VPS13C: variants seen among roughly 807,000 people sequenced by gnomAD.
VPS13C encodes the protein vacuolar protein sorting 13 homolog C.
Under a neutral mutation model 456.8 loss-of-function variants are expected in VPS13C, and 358 were observed. The observed-to-expected ratio is 0.78, with a 90% CI of 0.72 to 0.86. The LOEUF is 0.86. Among genes scored for constraint, VPS13C ranks in the 40% least tolerant of loss-of-function variants. The pLI is 0.00. For missense variants in VPS13C, 4,818 were observed against 4,385.4 expected (o/e 1.10, Z -2.79); for synonymous variants, 1,578 against 1,486.7 (o/e 1.06, Z -1.41).
At chr15:61,896,182 G>C (rs1302897812) in intron 66 of VPS13C, among the ~76,000 whole-genome samples, 1 of 152,122 alleles carries the variant, frequency 6.6e-6, no homozygotes, top group African/African-American at 2.4e-5. Flanking sequence ...GAAAAGCCAA[G>C]GACCTGATGG....
intron 23 of VPS13C, 150 bp from the exon 24 acceptor site, chr15:61,977,349 T>A (rs2045734962): frequency 1.9e-6 from 1 of 515,502 alleles, no homozygotes; most frequent in Non-Finnish European, 3.3e-6. Context: ...GATTACCAAT[T>A]TTCACTTCTT....
intron 42 of VPS13C, 27 bp from the exon 43 acceptor site, chr15:61,947,336 G>T: frequency 6.6e-7 from 1 of 1,504,898 alleles, no homozygotes; most frequent in South Asian, 1.2e-5. Context: ...ACCTTCTGAT[G>T]AGCAAAGGGA....
chr15:61,958,388 G>A (rs1220959884), intron 37 of VPS13C, among the ~76,000 whole-genome samples: 3 of 151,848 alleles, frequency 2.0e-5, no homozygotes, highest in Admixed American at 6.6e-5. Flanking sequence ...CTCAACTCAC[G>A]CAACTTAGAA....
At chr15:61,988,513 T>C (rs1054262822) in intron 18 of VPS13C, among the ~76,000 whole-genome samples, 6 of 152,288 alleles carry the variant, frequency 3.9e-5, no homozygotes, top group South Asian at 2.1e-4. Flanking sequence ...TATAAAGACA[T>C]AAATTCTCCC....
intron 78 of VPS13C, among the ~76,000 whole-genome samples, chr15:61,872,773 T>C (rs111822007): frequency 3.9e-5 from 6 of 152,146 alleles, no homozygotes; most frequent in Admixed American, 1.3e-4. Flanking sequence ...AACTTTTAAG[T>C]TCTTATAATT....
At chr15:61,899,365 A>C (rs1384856164) in intron 66 of VPS13C, among the ~76,000 whole-genome samples, 1 of 148,484 alleles carries the variant, frequency 6.7e-6, no homozygotes, top group Non-Finnish European at 1.5e-5. Context: ...AGCAAGACTA[A>C]TAAAGAAAAA....
intron 15 of VPS13C, among the ~76,000 whole-genome samples, chr15:62,004,301 T>C (rs201431795): frequency 0.029 from 4,345 of 151,994 alleles, 133 homozygotes; most frequent in South Asian, 0.069. Context: ...TTCTAGTTTA[T>C]TTGCATAGAG....
chr15:61,946,767 C>T (rs886343376), intron 43 of VPS13C, among the ~76,000 whole-genome samples: 1 of 151,850 alleles, frequency 6.6e-6, no homozygotes, highest in African/African-American at 2.4e-5. Flanking sequence ...TTTAGGAAGA[C>T]AATATTTGTT....
chr15:61,865,116 G>C (rs1224548484), intron 81 of VPS13C: 1 of 984,778 alleles, frequency 1.0e-6, no homozygotes, highest in East Asian at 1.1e-4. Context: ...GCAGCAGGGA[G>C]ACCAAATTAG....
intron 63 of VPS13C, 72 bp downstream of exon 63, chr15:61,911,768 T>C: frequency 6.6e-6 from 9 of 1,360,926 alleles, no homozygotes; most frequent in South Asian, 3.7e-5. Flanking sequence ...AAGAGGTATA[T>C]ACAATTCTTA....
At chr15:61,983,510 G>A (rs2045947299) in intron 20 of VPS13C, among the ~76,000 whole-genome samples, 1 of 152,108 alleles carries the variant, frequency 6.6e-6, no homozygotes, top group Admixed American at 6.5e-5. Context: ...AAGAACTGGA[G>A]TAGGAAGTAA....
Position 61,966,108 on chromosome 15 carries a change from A to G in VPS13C, c.3026T>C (p.Phe1009Ser), listed in dbSNP as rs779146313. 1.2e-6 allele frequency: 2 copies of G among 1,606,036 alleles called. No individual in the cohort carries two copies. The highest frequency in any genetic ancestry group is 2.7e-5 in the African/African-American group (2 of 74,628). ...DKNGPSFQTA[F>S]GKTEQTVKVA... ...CTTAACTGTTTGTTCAGTTTTTCCAAAAGCAGTTTGAAAACTAGGTCCATT... is the reference window on the plus strand; with the variant it reads ...CTTAACTGTTTGTTCAGTTTTTCCAGAAGCAGTTTGAAAACTAGGTCCATT... The change falls in exon 30 of 85, where the codon TTT becomes TCT. Residue 1009 changes from phenylalanine (F) to serine (S), a missense_variant. Transcript: ENST00000644861.
chr15:62,050,737 G>C (rs2048589325), intron 1 of VPS13C, among the ~76,000 whole-genome samples: 1 of 151,458 alleles, frequency 6.6e-6, no homozygotes, highest in South Asian at 2.1e-4. Context: ...GAAGGGCAGA[G>C]GTTGCAGTGA....
intron 60 of VPS13C, 94 bp downstream of exon 60, chr15:61,917,247 T>C: frequency 1.5e-6 from 2 of 1,310,548 alleles, no homozygotes; most frequent in South Asian, 1.5e-5. Context: ...ACATACGCTA[T>C]ATAAAACACT....
intron 16 of VPS13C, among the ~76,000 whole-genome samples, chr15:61,996,616 C>T (rs1400061307): frequency 1.3e-5 from 2 of 151,744 alleles, no homozygotes; most frequent in Non-Finnish European, 2.9e-5. Context: ...GGCAAACACA[C>T]TGGAAATTAC....
intron 74 of VPS13C, among the ~76,000 whole-genome samples, chr15:61,878,102 CT>C (rs1202952978): frequency 6.6e-6 from 1 of 151,680 alleles, no homozygotes; most frequent in African/African-American, 2.4e-5. Flanking sequence ...AGAGATTGGA[CT>C]TTTTTTGTCT....
intron 62 of VPS13C, 70 bp downstream of exon 62, chr15:61,913,241 T>G: frequency 7.2e-7 from 1 of 1,391,246 alleles, no homozygotes; most frequent in Non-Finnish European, 1.0e-6. Flanking sequence ...CATATGTTTA[T>G]TCCAACTTGT....
rs566750782 is a variant in VPS13C, at chr15:61,931,397, A to G, written c.5869-138T>C. ...AAAGTATGAGTGCTAAAACATCTGA[A>G]TGGAACAGAGAATAATATGCATGTT... On this transcript the variant is annotated intron_variant, in intron 49 of 84. Coordinates refer to ENST00000644861, the MANE Select transcript of VPS13C (RefSeq NM_020821.3). 6 of 815,428 alleles carry G rather than the reference A, an allele frequency of 7.4e-6. No individual in the cohort carries two copies. The South Asian group carries it at 1.3e-4, about 18-fold the overall frequency. The allele number at this position is 815,428 out of a possible 1,614,324, so 50.5% of individuals were successfully genotyped here.
chr15:61,949,648 A>G (rs1378098069), intron 41 of VPS13C, 43 bp from the exon 42 acceptor site: 1 of 1,564,498 alleles, frequency 6.4e-7, no homozygotes. Flanking sequence ...CAGATGCAGT[A>G]AAATCTTTAC....
Sources: allele counts gnomAD v4.1 joint callset (sites outside exome capture counted in the v4.1 genomes callset), GRCh38; gene constraint gnomAD v4.1.1; transcripts MANE v1.5; gene names NCBI Gene and HGNC (gene_info 2026-07-23, HGNC 2026-07-21).